The following CSMD1 variants were observed in gnomAD, a reference collection of about 807,000 sequenced individuals.
CSMD1 encodes the protein CUB and Sushi multiple domains 1.
CSMD1 carries 213 observed loss-of-function variants against 417.5 expected under a neutral mutation model. The observed-to-expected ratio is 0.51, with a 90% CI of 0.46 to 0.57. CSMD1 has a LOEUF of 0.57. CSMD1 is among the 20% of genes least tolerant of loss of function. CSMD1 has a pLI of 0.00. For synonymous variants in CSMD1, 2,862 were observed against 1,736.8 expected, an observed-to-expected ratio of 1.65 and a Z score of -16.11; for missense variants, 6,923 against 4,529.7, an observed-to-expected ratio of 1.53 and a Z score of -15.17.
At chr8:3,372,653 G>A (rs1810039694) in intron 18 of CSMD1, among the ~76,000 whole-genome samples, 1 of 152,136 alleles carries the variant, frequency 6.6e-6, no homozygotes, top group South Asian at 2.1e-4. Flanking sequence ...ATAACTACAG[G>A]TGAAGGAGAT....
At chr8:2,984,916 G>C (rs1805744347) in intron 54 of CSMD1, among the ~76,000 whole-genome samples, 1 of 152,216 alleles carries the variant, frequency 6.6e-6, no homozygotes. Flanking sequence ...ACCTGGACAA[G>C]AGGTTTACAT....
At chr8:3,317,389 G>A (rs190656805) in intron 23 of CSMD1, among the ~76,000 whole-genome samples, 1 of 152,314 alleles carries the variant, frequency 6.6e-6, no homozygotes, top group Non-Finnish European at 1.5e-5. Flanking sequence ...AATTACCCAA[G>A]CTATAGGCAT....
chr8:4,755,691 A>C (rs1378677976), intron 1 of CSMD1, among the ~76,000 whole-genome samples: 1 of 152,160 alleles, frequency 6.6e-6, no homozygotes, highest in Non-Finnish European at 1.5e-5. Flanking sequence ...TTCGCAGTTA[A>C]AGTTTCACAC....
At chr8:3,541,406 G>C (rs549766271) in intron 10 of CSMD1, among the ~76,000 whole-genome samples, 1 of 152,032 alleles carries the variant, frequency 6.6e-6, no homozygotes, top group African/African-American at 2.4e-5. Flanking sequence ...GCATCAGGAT[G>C]AATAGCTAAT....
At chr8:4,232,703 G>C (rs551404021) in intron 3 of CSMD1, among the ~76,000 whole-genome samples, 23 of 152,118 alleles carry the variant, frequency 1.5e-4, no homozygotes, top group Non-Finnish European at 3.1e-4. Context: ...TTTTATAAAA[G>C]TGTCATGTCA....
At chr8:4,300,972 G>A in intron 3 of CSMD1, among the ~76,000 whole-genome samples, 1 of 152,058 alleles carries the variant, frequency 6.6e-6, no homozygotes, top group Non-Finnish European at 1.5e-5. Flanking sequence ...CTTTACTATT[G>A]TAAATAGTGC....
chr8:4,100,201 G>C (rs984431014), intron 3 of CSMD1, among the ~76,000 whole-genome samples: 3 of 152,136 alleles, frequency 2.0e-5, no homozygotes, highest in Non-Finnish European at 4.4e-5. Context: ...GAAGGGTGAG[G>C]ATTAAATGAG....
At chr8:3,384,239 T>A (rs1296053914) in intron 18 of CSMD1, among the ~76,000 whole-genome samples, 1 of 152,188 alleles carries the variant, frequency 6.6e-6, no homozygotes, top group African/African-American at 2.4e-5. Context: ...GTCTAAATTT[T>A]CACATAATAA....
intron 12 of CSMD1, 147 bp downstream of exon 12, chr8:3,468,565 T>C (rs1162008385): frequency 6.9e-6 from 4 of 576,828 alleles, no homozygotes; most frequent in African/African-American, 1.9e-5. Flanking sequence ...CGAGTGTTAG[T>C]AGACTTTAAG....
intron 40 of CSMD1, among the ~76,000 whole-genome samples, chr8:3,148,928 T>C (rs1819016595): frequency 1.3e-5 from 2 of 152,226 alleles, no homozygotes; most frequent in Admixed American, 6.5e-5. Flanking sequence ...CTACATCTAT[T>C]CTAAAAAGCT....
chr8:3,021,979 T>A (rs1478716206), intron 51 of CSMD1, among the ~76,000 whole-genome samples: 1 of 143,686 alleles, frequency 7.0e-6, no homozygotes, highest in East Asian at 2.1e-4. Context: ...GCACCTGCAA[T>A]CCCACAGCAT....
chr8:4,492,635 C>A (rs767114265), intron 2 of CSMD1, among the ~76,000 whole-genome samples: 6 of 152,066 alleles, frequency 3.9e-5, no homozygotes, highest in Non-Finnish European at 5.9e-5. Context: ...ACTAGTGCCG[C>A]CTTTGGATTT....
chr8:3,343,652 G>T (rs1807803589), intron 22 of CSMD1, among the ~76,000 whole-genome samples: 1 of 152,086 alleles, frequency 6.6e-6, no homozygotes, highest in South Asian at 2.1e-4. Flanking sequence ...AACACTGGAG[G>T]CAAAAGATTC....
intron 2 of CSMD1, among the ~76,000 whole-genome samples, chr8:4,596,976 G>C (rs146302244): frequency 1.3e-5 from 2 of 152,242 alleles, no homozygotes; most frequent in East Asian, 1.9e-4. Flanking sequence ...CATGTTAGAA[G>C]TGCCTCTTTC....
intron 5 of CSMD1, among the ~76,000 whole-genome samples, chr8:3,915,458 C>A (rs1266615141): frequency 6.8e-6 from 1 of 146,376 alleles, no homozygotes; most frequent in Non-Finnish European, 1.5e-5. Flanking sequence ...CGGAAGATCA[C>A]TTCAAGGACT....
intron 5 of CSMD1, among the ~76,000 whole-genome samples, chr8:3,806,793 C>G (rs1326744032): frequency 1.3e-5 from 2 of 152,270 alleles, no homozygotes; most frequent in East Asian, 3.9e-4. Flanking sequence ...CTACTAAATA[C>G]TAGGTGCAGC....
intron 7 of CSMD1, among the ~76,000 whole-genome samples, chr8:3,652,992 A>G (rs925118001): frequency 1.3e-5 from 2 of 152,194 alleles, no homozygotes; most frequent in African/African-American, 4.8e-5. Flanking sequence ...CATTGTCTGC[A>G]CTATTAATGC....
chr8:3,049,099 G>T (rs535735149), intron 50 of CSMD1, among the ~76,000 whole-genome samples: 1 of 152,116 alleles, frequency 6.6e-6, no homozygotes, highest in Non-Finnish European at 1.5e-5. Context: ...TCGCGACAAC[G>T]TGGGGCAACA....
At chr8:4,586,953 T>G (rs923129762) in intron 2 of CSMD1, among the ~76,000 whole-genome samples, 1 of 152,350 alleles carries the variant, frequency 6.6e-6, no homozygotes, top group African/African-American at 2.4e-5. Context: ...ATCTGTACTG[T>G]GTAAGAGAGG....
Sources: allele counts gnomAD v4.1 joint callset (sites outside exome capture counted in the v4.1 genomes callset), GRCh38; gene constraint gnomAD v4.1.1; transcripts MANE v1.5; gene names NCBI Gene and HGNC (gene_info 2026-07-23, HGNC 2026-07-21).